SH3RF1: variants seen among roughly 807,000 people sequenced by gnomAD.
SH3RF1 encodes the protein SH3 domain containing ring finger 1, also known as E3 ubiquitin-protein ligase SH3RF1.
Under a neutral mutation model 74.0 loss-of-function variants are expected in SH3RF1, and 32 were observed. That is an observed-to-expected ratio of 0.43 (90% CI 0.33 to 0.58). The LOEUF is 0.58. Ranked by LOEUF, SH3RF1 falls within the 20% of genes least tolerant of loss-of-function variation. The pLI is 0.05. For missense variants in SH3RF1, 954 were observed against 1,130.9 expected, an observed-to-expected ratio of 0.84 and a Z score of 2.24; for synonymous variants, 396 against 439.6, an observed-to-expected ratio of 0.90 and a Z score of 1.24.
At chr4:169,262,246 G>A (rs1037787563) in intron 2 of SH3RF1, among the ~76,000 whole-genome samples, 1 of 152,210 alleles carries the variant, frequency 6.6e-6, no homozygotes, top group Admixed American at 6.5e-5. Flanking sequence ...ACATATAAAT[G>A]TATATGAAAA....
At chr4:169,131,329 G>C (rs891516739) in intron 5 of SH3RF1, among the ~76,000 whole-genome samples, 11 of 152,074 alleles carry the variant, frequency 7.2e-5, no homozygotes, top group African/African-American at 2.7e-4. Flanking sequence ...CCAGGGGGTG[G>C]CACTAAAAAG....
chr4:169,238,539 ATTG>A, intron 2 of SH3RF1, among the ~76,000 whole-genome samples: 1 of 152,310 alleles, frequency 6.6e-6, no homozygotes, highest in East Asian at 1.9e-4. Context: ...AGAATTATGA[ATTG>A]TTGTCTATCA....
chr4:169,105,721 C>T (rs926761095), intron 11 of SH3RF1, among the ~76,000 whole-genome samples: 19 of 152,102 alleles, frequency 1.2e-4, no homozygotes, highest in Admixed American at 3.9e-4. Flanking sequence ...TGGGAGACCC[C>T]GTCTTTACAA....
rs1732903885 is a variant in SH3RF1, at chr4:169,095,545, C to T, written c.*974G>A. 1 of 152,596 alleles carries T rather than the reference C, an allele frequency of 6.6e-6. No homozygotes were observed. Among genetic ancestry groups the T allele is most frequent in the Non-Finnish European group, 1.5e-5 (1 of 68,040 alleles). The allele number at this position is 152,596 out of a possible 1,614,324, so 9.5% of individuals were successfully genotyped here. A position where few individuals can be genotyped will look rare whatever the true frequency, so the allele number is the denominator to read the frequency against. ...GTGTTTCTTATAGCCTTTGACTTAACACGAGTGCATCACTTACCACCACTA... is the reference window on the plus strand; with the variant it reads ...GTGTTTCTTATAGCCTTTGACTTAATACGAGTGCATCACTTACCACCACTA... On this transcript the variant is annotated 3_prime_UTR_variant, in exon 12 of 12. Transcript: ENST00000284637.
rs761180351 is a variant in SH3RF1, at chr4:169,107,169, C to T, written c.2176G>A (p.Ala726Thr). The change falls in exon 11 of 12, where the codon GCC (alanine) becomes ACC (threonine). Residue 726 changes from alanine to threonine, a missense_variant. Around this residue, in one of 3 missense-constraint regions of SH3RF1, gnomAD observed 854 missense variants for 962.5 expected, o/e 0.89. Coordinates refer to ENST00000284637, the MANE Select transcript of SH3RF1 (RefSeq NM_020870.4). ...KKGLLKLLSGASTKRKPRVSP... is the reference protein window; with the variant it reads ...KKGLLKLLSGTSTKRKPRVSP... ...ACGCGGGGCTTCCGTTTAGTGGAGGCGCCAGAAAGCAACTTCAACAAACCC... is the reference window on the plus strand; with the variant it reads ...ACGCGGGGCTTCCGTTTAGTGGAGGTGCCAGAAAGCAACTTCAACAAACCC... 8.3e-6 allele frequency: 13 copies of T among 1,557,164 alleles called. No individual in the cohort carries two copies. The highest frequency in any genetic ancestry group is 4.2e-5 in the African/African-American group (3 of 72,020).
At chr4:169,140,118 C>T (rs1370668207) in intron 4 of SH3RF1, among the ~76,000 whole-genome samples, 2 of 152,190 alleles carry the variant, frequency 1.3e-5, no homozygotes, top group Non-Finnish European at 2.9e-5. Context: ...CTGCTCCTTG[C>T]TTCCTGTATC....
chr4:169,264,245 G>A lies in SH3RF1; in HGVS notation c.393+4575C>T, dbSNP rs550906703. 2.6e-5 allele frequency among the ~76,000 whole-genome samples: 4 copies of A among 152,304 alleles called. No homozygotes were observed. In the East Asian group the frequency reaches 5.8e-4, roughly 22 times the overall value. On this transcript the variant is annotated intron_variant, in intron 2 of 11. Transcript: ENST00000284637. ...CCTTTGAAGGCAACTCTCCTTGGTTGGTAAGTGGCATCTTCTCCATGTGTC... is the reference window on the plus strand; with the variant it reads ...CCTTTGAAGGCAACTCTCCTTGGTTAGTAAGTGGCATCTTCTCCATGTGTC...
At chr4:169,243,829 T>C (rs1171340548) in intron 2 of SH3RF1, among the ~76,000 whole-genome samples, 2 of 152,236 alleles carry the variant, frequency 1.3e-5, no homozygotes, top group Non-Finnish European at 2.9e-5. Flanking sequence ...AAAGATGACT[T>C]AGAATGTCTA....
At chr4:169,214,889 T>C (rs1730437811) in intron 2 of SH3RF1, among the ~76,000 whole-genome samples, 1 of 152,220 alleles carries the variant, frequency 6.6e-6, no homozygotes, top group Admixed American at 6.5e-5. Context: ...TTTCTACGTA[T>C]ATTATCATGT....
intron 2 of SH3RF1, among the ~76,000 whole-genome samples, chr4:169,196,946 G>T (rs893993018): frequency 6.6e-6 from 1 of 151,910 alleles, no homozygotes; most frequent in African/African-American, 2.4e-5. Flanking sequence ...AAAAAATAAT[G>T]AATAAAAAAG....
At chr4:169,246,394 T>C (rs570687039) in intron 2 of SH3RF1, among the ~76,000 whole-genome samples, 1 of 152,220 alleles carries the variant, frequency 6.6e-6, no homozygotes, top group Non-Finnish European at 1.5e-5. Flanking sequence ...ATCACTGAAG[T>C]ATCAAACTGA....
rs56229906 is a variant in SH3RF1, at chr4:169,255,622, TACACACACACACAC to T, written c.393+13184_393+13197del. Among the ~76,000 whole-genome samples the T allele has an allele frequency of 3.1e-3, 388 of 124,738 alleles. 13 individuals are homozygous for T. In the East Asian group the frequency reaches 0.055, roughly 18 times the overall value. The allele number at this position is 124,738 out of a possible 152,430, so 81.8% of individuals were successfully genotyped here. ...ATACATACACACATACATACACACA[TACACACACACACAC>T]ACACACACACACACACACACACACA... is the stretch of plus-strand genomic sequence containing the variant. On this transcript the variant is annotated intron_variant, in intron 2 of 11. Coordinates refer to ENST00000284637, the MANE Select transcript of SH3RF1 (RefSeq NM_020870.4).
rs189244957 is a variant in SH3RF1 at position 169,149,790 on chromosome 4, T to C, written c.765+5690A>G. On this transcript the variant is annotated intron_variant, in intron 4 of 11. Transcript: ENST00000284637. ...GTATAAATGATGCTATCTTTTTATA[T>C]AGTTCAATCAACTCTTTGATTATTA... 4.6e-4 allele frequency among the ~76,000 whole-genome samples: 70 copies of C among 152,358 alleles called. 2 individuals carry two copies. The East Asian group carries it at 0.013, about 27-fold the overall frequency.
At chr4:169,218,324 A>T (rs1387280010) in intron 2 of SH3RF1, among the ~76,000 whole-genome samples, 1 of 56,690 alleles carries the variant, frequency 1.8e-5, no homozygotes, top group Non-Finnish European at 5.5e-5. Flanking sequence ...AGAATATAGA[A>T]TACAGATTAT....
chr4:169,156,682 T>TA lies in SH3RF1; in HGVS notation c.394-4_394-3insT. ...GCACATGGTAACTGAGGTATACCCT[T>TA]TAAAAAAAAAAGAGGGATGAATTTT... On this transcript the variant is annotated splice_region_variant and splice_polypyrimidine_tract_variant and intron_variant, in intron 2 of 11. Transcript: ENST00000284637. 1.9e-6 allele frequency: 3 copies of TA among 1,549,934 alleles called. No homozygotes were observed. The highest frequency in any genetic ancestry group is 1.2e-5 in the South Asian group (1 of 82,158).
At chr4:169,098,350 A>C (rs960799446) in intron 11 of SH3RF1, among the ~76,000 whole-genome samples, 3 of 152,224 alleles carry the variant, frequency 2.0e-5, no homozygotes, top group African/African-American at 7.2e-5. Context: ...GAAAAATATT[A>C]TGGCTTCAAA....
chr4:169,239,006 T>C (rs1281588019), intron 2 of SH3RF1, among the ~76,000 whole-genome samples: 2 of 145,932 alleles, frequency 1.4e-5, no homozygotes, highest in African/African-American at 5.1e-5. Flanking sequence ...CAAGATACCA[T>C]GTCAGTCCTC....
chr4:169,151,607 C>G (rs1422964356), intron 4 of SH3RF1, among the ~76,000 whole-genome samples: 1 of 152,048 alleles, frequency 6.6e-6, no homozygotes, highest in Non-Finnish European at 1.5e-5. Flanking sequence ...ACAGCTGACA[C>G]GAGATCTAAA....
At chr4:169,230,249 T>C (rs1208082552) in intron 2 of SH3RF1, among the ~76,000 whole-genome samples, 1 of 152,180 alleles carries the variant, frequency 6.6e-6, no homozygotes, top group Non-Finnish European at 1.5e-5. Flanking sequence ...TGACTTTAAA[T>C]GGTGCACAGC....
Sources: gnomAD v4.1 joint callset for allele counts (sites outside exome capture counted in the v4.1 genomes callset) on GRCh38, gnomAD v4.1.1 for gene constraint, gnomAD v4.1.1 regional missense constraint, MANE v1.5 for transcripts, NCBI Gene and HGNC (gene_info 2026-07-23, HGNC 2026-07-21) for gene names.